CAMK1D: variants seen among roughly 807,000 people sequenced by gnomAD.
CAMK1D encodes the protein calcium/calmodulin-dependent protein kinase type 1D.
CAMK1D carries 9 observed loss-of-function variants against 47.7 expected under a neutral mutation model. That is an observed-to-expected ratio of 0.19 (90% CI 0.11 to 0.33). The LOEUF (loss-of-function observed/expected upper bound fraction) is 0.33. CAMK1D is among the 10% of genes least tolerant of loss of function. The pLI, the probability that CAMK1D is intolerant of heterozygous loss-of-function variation, is 1.00. For synonymous variants in CAMK1D, 184 were observed against 184.9 expected (o/e 0.99, Z 0.04); for missense variants, 291 against 488.7 (o/e 0.60, Z 3.81).
chr10:12,587,030 A>G (rs1837838912), intron 2 of CAMK1D, among the ~76,000 whole-genome samples: 1 of 151,992 alleles, frequency 6.6e-6, no homozygotes, highest in Non-Finnish European at 1.5e-5. Flanking sequence ...TTTCTTGGTT[A>G]CCTCTCACTC....
intron 3 of CAMK1D, among the ~76,000 whole-genome samples, chr10:12,747,663 A>C (rs1023196063): frequency 1.3e-5 from 2 of 152,096 alleles, no homozygotes; most frequent in Non-Finnish European, 2.9e-5. Flanking sequence ...ATTGACTTAC[A>C]TGGTTAGAGG....
At chr10:12,750,130 A>AT (rs1835880649) in intron 3 of CAMK1D, among the ~76,000 whole-genome samples, 1 of 152,196 alleles carries the variant, frequency 6.6e-6, no homozygotes, top group African/African-American at 2.4e-5. Flanking sequence ...CTTTAAAACT[A>AT]TTATCTGTCA....
At chr10:12,497,673 G>T (rs1388744539) in intron 1 of CAMK1D, among the ~76,000 whole-genome samples, 1 of 152,086 alleles carries the variant, frequency 6.6e-6, no homozygotes. Context: ...GGCTTGAAAA[G>T]TCCAATTTTA....
intron 1 of CAMK1D, among the ~76,000 whole-genome samples, chr10:12,439,362 G>A (rs867152528): frequency 2.0e-5 from 3 of 152,234 alleles, no homozygotes; most frequent in East Asian, 1.9e-4. Context: ...GGAGAGCCAC[G>A]TGTTTTTCAA....
At chr10:12,512,538 A>G (rs796659063) in intron 1 of CAMK1D, among the ~76,000 whole-genome samples, 4 of 152,286 alleles carry the variant, frequency 2.6e-5, no homozygotes, top group African/African-American at 7.2e-5. Flanking sequence ...GGAGACTCGG[A>G]GCTCATTACT....
At chr10:12,651,827 G>A (rs537445084) in intron 2 of CAMK1D, among the ~76,000 whole-genome samples, 17 of 151,790 alleles carry the variant, frequency 1.1e-4, no homozygotes, top group Non-Finnish European at 2.5e-4. Flanking sequence ...CGCCCAGGCT[G>A]GAGTGCAGTG....
At chr10:12,452,036 G>T (rs1366881825) in intron 1 of CAMK1D, among the ~76,000 whole-genome samples, 1 of 152,166 alleles carries the variant, frequency 6.6e-6, no homozygotes, top group Non-Finnish European at 1.5e-5. Context: ...CAGGTTCAGA[G>T]GCAAAGCCCA....
intron 2 of CAMK1D, among the ~76,000 whole-genome samples, chr10:12,568,063 C>G (rs563965401): frequency 2.0e-5 from 3 of 152,056 alleles, no homozygotes; most frequent in South Asian, 4.2e-4. Flanking sequence ...GACCCACTCT[C>G]AGTTAGGCCT....
chr10:12,564,466 T>C (rs6602598), intron 2 of CAMK1D, among the ~76,000 whole-genome samples: 70,745 of 152,052 alleles, frequency 0.47, 16,804 homozygotes, highest in Middle Eastern at 0.52. Context: ...ACAAATTTCA[T>C]TTCACATGTG....
At chr10:12,481,249 C>G (rs1410958577) in intron 1 of CAMK1D, among the ~76,000 whole-genome samples, 1 of 152,120 alleles carries the variant, frequency 6.6e-6, no homozygotes, top group Non-Finnish European at 1.5e-5. Flanking sequence ...TCTTTTCCAC[C>G]TTTTGCATTT....
intron 1 of CAMK1D, among the ~76,000 whole-genome samples, chr10:12,409,105 C>T (rs1365769970): frequency 1.3e-5 from 2 of 152,114 alleles, no homozygotes; most frequent in Non-Finnish European, 2.9e-5. Flanking sequence ...GATCTGCCTG[C>T]CTCAACCTCC....
At chr10:12,682,929 C>CTT (rs530240014) in intron 3 of CAMK1D, among the ~76,000 whole-genome samples, 2,146 of 144,650 alleles carry the variant, frequency 0.015, 41 homozygotes, top group African/African-American at 0.05. Context: ...AAGTAAGATT[C>CTT]TTTTTTTTTT....
At chr10:12,750,358 G>A (rs1835889821) in intron 3 of CAMK1D, among the ~76,000 whole-genome samples, 1 of 152,116 alleles carries the variant, frequency 6.6e-6, no homozygotes, top group African/African-American at 2.4e-5. Flanking sequence ...TGGTTTTCTG[G>A]CATGATTTTT....
At chr10:12,480,296 G>A (rs1053549729) in intron 1 of CAMK1D, among the ~76,000 whole-genome samples, 1 of 152,090 alleles carries the variant, frequency 6.6e-6, no homozygotes, top group East Asian at 1.9e-4. Context: ...TTAGCTGGAC[G>A]TGATAGCGCA....
In CAMK1D at chr10:12,486,531, G is replaced by GCACACACA. The variant is rs3995703; in HGVS notation, c.93-66680_93-66673dup. Among the ~76,000 whole-genome samples, 213 of 147,090 alleles carry GCACACACA rather than the reference G, an allele frequency of 1.4e-3. 5 individuals are homozygous for GCACACACA. The highest frequency in any genetic ancestry group is 3.5e-3 in the African/African-American group (139 of 40,104). On this transcript the variant is annotated intron_variant, in intron 1 of 10. Transcript: ENST00000619168. ...TACCCACGTGTGCATGTGTGCGCGT[G>GCACACACA]CACACACACACACACACACACGTAC...
intron 6 of CAMK1D, among the ~76,000 whole-genome samples, chr10:12,795,045 A>G (rs1172764676): frequency 6.6e-6 from 1 of 152,192 alleles, no homozygotes; most frequent in Non-Finnish European, 1.5e-5. Context: ...TGTTGACACT[A>G]AGAATGATAA....
chr10:12,619,339 G>A (rs567633042), intron 2 of CAMK1D, among the ~76,000 whole-genome samples: 2 of 152,044 alleles, frequency 1.3e-5, no homozygotes, highest in East Asian at 1.9e-4. Flanking sequence ...TGCCCAGGCT[G>A]GAGTGCAGTG....
intron 5 of CAMK1D, among the ~76,000 whole-genome samples, chr10:12,780,480 C>T (rs947693105): frequency 3.9e-5 from 6 of 152,098 alleles, no homozygotes; most frequent in African/African-American, 9.7e-5. Flanking sequence ...TAAATATCTA[C>T]GTGTCAAGGA....
intron 3 of CAMK1D, among the ~76,000 whole-genome samples, chr10:12,746,161 G>C (rs867452938): frequency 6.6e-6 from 1 of 151,428 alleles, no homozygotes; most frequent in Non-Finnish European, 1.5e-5. Flanking sequence ...TCAGGAGGTG[G>C]AGATCATCCT....
Sources: gnomAD v4.1 joint callset for allele counts (sites outside exome capture counted in the v4.1 genomes callset) on GRCh38, gnomAD v4.1.1 for gene constraint, MANE v1.5 for transcripts, NCBI Gene and HGNC (gene_info 2026-07-23, HGNC 2026-07-21) for gene names.